Variants in REPS1 observed in about 807,000 individuals in gnomAD.
REPS1 encodes the protein RALBP1 associated Eps domain containing 1.
REPS1 carries 39 observed loss-of-function variants against 100.9 expected under a neutral mutation model. The observed-to-expected ratio is 0.39, with a 90% CI of 0.30 to 0.50. REPS1 has a LOEUF of 0.50. Ranked by LOEUF, REPS1 falls within the 20% of genes least tolerant of loss-of-function variation. REPS1 has a pLI of 0.86. For missense variants in REPS1, 821 were observed against 968.5 expected, an observed-to-expected ratio of 0.85 and a Z score of 2.02; for synonymous variants, 324 against 340.3, an observed-to-expected ratio of 0.95 and a Z score of 0.53.
At chr6:138,975,465 T>C (rs1784551852) in intron 1 of REPS1, among the ~76,000 whole-genome samples, 1 of 152,222 alleles carries the variant, frequency 6.6e-6, no homozygotes, top group South Asian at 2.1e-4. Context: ...CAATTTTCTG[T>C]AGTATTAAAG....
At chr6:138,974,090 T>A (rs1433168377) in intron 1 of REPS1, among the ~76,000 whole-genome samples, 1 of 152,090 alleles carries the variant, frequency 6.6e-6, no homozygotes, top group Non-Finnish European at 1.5e-5. Flanking sequence ...GCACAGCAGC[T>A]GTTGAATGGT....
At chr6:138,983,993 C>T (rs957343539) in intron 1 of REPS1, among the ~76,000 whole-genome samples, 1 of 152,134 alleles carries the variant, frequency 6.6e-6, no homozygotes, top group Non-Finnish European at 1.5e-5. Context: ...ATAATCCTTG[C>T]CCCACTGTAT....
intron 19 of REPS1, among the ~76,000 whole-genome samples, chr6:138,905,629 A>T (rs1217599636): frequency 6.6e-6 from 1 of 152,222 alleles, no homozygotes. Flanking sequence ...TTAAAATAAG[A>T]TCCTAGTAAT....
In REPS1 at chr6:138,904,654, A is replaced by G. The variant is rs11758502; in HGVS notation, c.*410T>C. On this transcript the variant is annotated 3_prime_UTR_variant, in exon 20 of 20. Coordinates refer to ENST00000450536, the MANE Select transcript of REPS1 (RefSeq NM_001286611.2). Reference sequence around the variant, plus strand: ...CAAAATTAAATGGGAAACTCTTTCTAAAGATTTTTATAGAATAGATGCTTT... The same window carrying G: ...CAAAATTAAATGGGAAACTCTTTCTGAAGATTTTTATAGAATAGATGCTTT... 0.022 allele frequency: 3,254 copies of G among 149,444 alleles called. 57 individuals carry two copies. Among genetic ancestry groups the G allele is most frequent in the Non-Finnish European group, 0.032 (2,115 of 67,142 alleles). 9.3% of individuals were successfully genotyped at this position (149,444 alleles called of 1,614,324 possible).
intron 9 of REPS1, 136 bp downstream of exon 9, chr6:138,929,841 A>G: frequency 1.2e-6 from 1 of 815,490 alleles, no homozygotes; most frequent in Non-Finnish European, 1.9e-6. Flanking sequence ...AATTACAAAC[A>G]TTTATCATAG....
intron 10 of REPS1, among the ~76,000 whole-genome samples, chr6:138,924,571 T>C (rs1238528447): frequency 6.6e-6 from 1 of 152,176 alleles, no homozygotes; most frequent in Non-Finnish European, 1.5e-5. Flanking sequence ...TGTCACTATT[T>C]TTTAAGGGTT....
chr6:138,903,757 C>T lies in REPS1; in HGVS notation c.*1307G>A, dbSNP rs912109948. 1 of 152,086 alleles carries T rather than the reference C, an allele frequency of 6.6e-6. No individual in the cohort carries two copies. Among genetic ancestry groups the T allele is most frequent in the South Asian group, 2.1e-4 (1 of 4,814 alleles). The allele number at this position is 152,086 out of a possible 1,614,324, so 9.4% of individuals were successfully genotyped here. A position where few individuals can be genotyped will look rare whatever the true frequency, so the allele number is the denominator to read the frequency against. Reference sequence around the variant, plus strand: ...AAATTTATTATTTAACAACTAAAGCCATACTGAAAGCCACTTGGAAACTTC... The same window carrying T: ...AAATTTATTATTTAACAACTAAAGCTATACTGAAAGCCACTTGGAAACTTC... On this transcript the variant is annotated 3_prime_UTR_variant, in exon 20 of 20. Coordinates refer to ENST00000450536, the MANE Select transcript of REPS1 (RefSeq NM_001286611.2).
At chr6:138,926,640 ATTTAT>A (rs1205032430) in intron 9 of REPS1, 159 bp from the exon 10 acceptor site, 3 of 590,712 alleles carry the variant, frequency 5.1e-6, no homozygotes, top group Non-Finnish European at 9.0e-6. Flanking sequence ...AACATTTTAT[ATTTAT>A]TCTGGGTCAC....
At chr6:138,959,680 TTC>T (rs1298019897) in intron 1 of REPS1, among the ~76,000 whole-genome samples, 1 of 152,196 alleles carries the variant, frequency 6.6e-6, no homozygotes, top group African/African-American at 2.4e-5. Context: ...TCACTATAAC[TTC>T]TATTGTTCTA....
At chr6:138,975,422 A>G (rs1273489174) in intron 1 of REPS1, among the ~76,000 whole-genome samples, 14 of 152,226 alleles carry the variant, frequency 9.2e-5, no homozygotes, top group Admixed American at 7.9e-4. Context: ...AAAATCAACG[A>G]AAGGTATAAA....
At chr6:138,907,347 A>C in intron 19 of REPS1, 148 bp downstream of exon 19, 2 of 312,726 alleles carry the variant, frequency 6.4e-6, no homozygotes, top group Non-Finnish European at 1.3e-5. Context: ...TGTGGCGGGG[A>C]GGGGTTAACT....
chr6:138,939,007 CCTG>C (rs767111081), intron 8 of REPS1, among the ~76,000 whole-genome samples: 4 of 151,972 alleles, frequency 2.6e-5, no homozygotes, highest in Non-Finnish European at 5.9e-5. Flanking sequence ...ACCACCACAC[CCTG>C]CTAATTTTTT....
chr6:138,949,595 G>T (rs1782865545), intron 1 of REPS1, among the ~76,000 whole-genome samples: 1 of 151,958 alleles, frequency 6.6e-6, no homozygotes, highest in South Asian at 2.1e-4. Flanking sequence ...GTGTGGTGGT[G>T]CGCACTGGTA....
intron 1 of REPS1, among the ~76,000 whole-genome samples, chr6:138,960,264 A>G (rs1783653111): frequency 1.3e-5 from 2 of 152,194 alleles, no homozygotes; most frequent in South Asian, 4.1e-4. Flanking sequence ...TCAATGTTGT[A>G]GACTCTAGAG....
At chr6:138,976,328 T>C (rs1784602866) in intron 1 of REPS1, among the ~76,000 whole-genome samples, 2 of 152,254 alleles carry the variant, frequency 1.3e-5, no homozygotes, top group African/African-American at 2.4e-5. Context: ...CACAGGAACA[T>C]GCTATTATAA....
intron 1 of REPS1, among the ~76,000 whole-genome samples, chr6:138,978,955 G>A (rs900328816): frequency 6.6e-6 from 1 of 152,098 alleles, no homozygotes; most frequent in African/African-American, 2.4e-5. Context: ...GGCCAAGGCA[G>A]GCAGATCACG....
chr6:138,948,671 A>AATCTT (rs1782795506), intron 1 of REPS1, among the ~76,000 whole-genome samples: 1 of 152,246 alleles, frequency 6.6e-6, no homozygotes, highest in African/African-American at 2.4e-5. Flanking sequence ...CAGATATTAT[A>AATCTT]ATCTTATCTT....
chr6:138,943,044 G>A (rs551702891), intron 7 of REPS1, among the ~76,000 whole-genome samples: 312 of 152,252 alleles, frequency 2.0e-3, no homozygotes, highest in African/African-American at 6.6e-3. Flanking sequence ...CACCGCACCC[G>A]GCCCTGGCCT....
chr6:138,908,992 A>T (rs1268414671), intron 17 of REPS1, 176 bp from the exon 18 acceptor site: 3 of 592,362 alleles, frequency 5.1e-6, no homozygotes, highest in South Asian at 4.2e-5. Flanking sequence ...GTGAGAAAAG[A>T]TGTTTCTAGT....
Sources: allele counts gnomAD v4.1 joint callset (sites outside exome capture counted in the v4.1 genomes callset), GRCh38; gene constraint gnomAD v4.1.1; transcripts MANE v1.5; gene names NCBI Gene and HGNC (gene_info 2026-07-23, HGNC 2026-07-21).